The following ZNF335 variants were observed in gnomAD, a reference collection of about 807,000 sequenced individuals.
The protein encoded by ZNF335 is NRC-interacting factor 1.
A neutral mutation model predicts 145.6 loss-of-function variants in ZNF335; 84 were observed. That is an observed-to-expected ratio of 0.58 (90% CI 0.48 to 0.69). ZNF335 has a LOEUF of 0.69. ZNF335 is among the 30% of genes least tolerant of loss of function. The pLI, the probability that ZNF335 is intolerant of heterozygous loss-of-function variation, is 0.00. For missense variants in ZNF335, 1,865 were observed against 1,809.7 expected, an observed-to-expected ratio of 1.03 and a Z score of -0.55; for synonymous variants, 761 against 717.0, an observed-to-expected ratio of 1.06 and a Z score of -0.98.
chr20:45,951,386 CCTT>C (rs2083628649), intron 20 of ZNF335, among the ~76,000 whole-genome samples: 1 of 152,250 alleles, frequency 6.6e-6, no homozygotes, highest in Non-Finnish European at 1.5e-5. Context: ...GGCCCACTCA[CCTT>C]CTCCATGGTG....
rs1395421311 is a variant in ZNF335 at position 45,963,626 on chromosome 20, T to C, written c.1380A>G (p.Pro460=). ...TGCGGCACAGGAAGGGCCTCAAAAGTGGTTTGGGCGACTTGTAATAGTACC... is the reference window on the plus strand; with the variant it reads ...TGCGGCACAGGAAGGGCCTCAAAAGCGGTTTGGGCGACTTGTAATAGTACC... ...YRKYYYKSPK[P]LLRPFLCRIC... Residue 460 remains proline, a synonymous_variant, in exon 9 of 28, where the codon CCA becomes CCG. Transcript: ENST00000322927. 6.2e-7 allele frequency: 1 copy of C among 1,613,878 alleles called. No individual in the cohort carries two copies. Among genetic ancestry groups the C allele is most frequent in the Admixed American group, 1.7e-5 (1 of 60,006 alleles).
At chr20:45,967,211 CCA>C (rs1163276692) in intron 6 of ZNF335, 15 of 456,660 alleles carry the variant, frequency 3.3e-5, no homozygotes, top group Non-Finnish European at 4.0e-6. Flanking sequence ...ATGCTACACT[CCA>C]GTCTGAGCAA....
At chr20:45,972,003 C>T (rs1014276869) in intron 1 of ZNF335, 119 bp downstream of exon 1, 40 of 1,199,282 alleles carry the variant, frequency 3.3e-5, no homozygotes, top group Admixed American at 2.9e-4. Context: ...GGCCTGGGAC[C>T]CCGGGGCCCT....
At chr20:45,965,572 G>A (rs1443573614) in intron 7 of ZNF335, 56 bp downstream of exon 7, 2 of 1,547,498 alleles carry the variant, frequency 1.3e-6, no homozygotes, top group African/African-American at 1.4e-5. Context: ...AGACAAGCAG[G>A]GAGAGAGGCC....
At position 45,963,798 on chromosome 20, in the gene ZNF335, T is replaced by C. The variant is rs2083897355; in HGVS notation, c.1295A>G (p.Asp432Gly). 6.2e-7 allele frequency: 1 copy of C among 1,614,132 alleles called. No individual in the cohort carries two copies. The highest frequency in any genetic ancestry group is 2.2e-5 in the East Asian group (1 of 44,878). ...TCGACCTCGGCGCCGGGGCAGAGTG[T>C]CATGCTCATCCGGGCAGGAGGGGGC... ...NAAPSCPDEHDTLPRRRGRPS... is the reference protein window; with the variant it reads ...NAAPSCPDEHGTLPRRRGRPS... Residue 432 changes from aspartate (D) to glycine (G), a missense_variant, in exon 8 of 28, where the codon GAC becomes GGC. Physicochemically the swap from Asp to Gly is moderately conservative, Grantham distance 94. Transcript: ENST00000322927.
chr20:45,953,293 C>T (rs967924271), intron 18 of ZNF335, among the ~76,000 whole-genome samples: 4 of 152,092 alleles, frequency 2.6e-5, no homozygotes, highest in Non-Finnish European at 4.4e-5. Flanking sequence ...TGAGCTTGCT[C>T]GGAGTGTCAG....
Position 45,949,576 on chromosome 20 carries a change from T to TG in ZNF335, c.3670-9dup, listed in dbSNP as rs201440041. 8,535 of 1,555,740 alleles carry TG rather than the reference T, an allele frequency of 5.5e-3. 63 individuals carry two copies. The highest frequency in any genetic ancestry group is 0.03 in the African/African-American group (2,211 of 72,922). ...GGAGATGATATACTGCACCTGTTGGTGGGGGGGGCGGGCATGGCGAGGCAG... is the reference window on the plus strand; with the variant it reads ...GGAGATGATATACTGCACCTGTTGGTGGGGGGGGGCGGGCATGGCGAGGCAG... On this transcript the variant is annotated splice_polypyrimidine_tract_variant and intron_variant, in intron 24 of 27. Transcript: ENST00000322927.
chr20:45,963,577 G>A lies in ZNF335; in HGVS notation c.1429C>T (p.His477Tyr). The change falls in exon 9 of 28, where the codon CAC becomes TAC. Residue 477 changes from histidine to tyrosine, a missense_variant. Coordinates refer to ENST00000322927, the MANE Select transcript of ZNF335 (RefSeq NM_022095.4). The stretch of plus-strand genomic sequence containing the variant: ...TTGACGTGGAAGCGCAGGTCCTCGT[G>A]GGACAGAAAGCGAGAACCACAGATG... ...CRICGSRFLS[H>Y]EDLRFHVNSH... 1 of 1,614,206 alleles carries A rather than the reference G, an allele frequency of 6.2e-7. No homozygotes were observed. Among genetic ancestry groups the A allele is most frequent in the Non-Finnish European group, 8.5e-7 (1 of 1,180,042 alleles).
chr20:45,956,478 T>G (rs886348274), intron 17 of ZNF335, among the ~76,000 whole-genome samples: 1 of 152,208 alleles, frequency 6.6e-6, no homozygotes. Context: ...TCCAGCCACC[T>G]TGGCGTCCCA....
At chr20:45,962,029 C>A in intron 10 of ZNF335, 41 bp downstream of exon 10, 19 of 1,224,570 alleles carry the variant, frequency 1.6e-5, no homozygotes, top group Non-Finnish European at 2.3e-5. Flanking sequence ...CCCACCCAAC[C>A]TGGCCTCTCT....
rs1223906191 is a variant in ZNF335 at position 45,960,497 on chromosome 20, G to A, written c.1811C>T (p.Thr604Ile). 24 of 1,614,182 alleles carry A rather than the reference G, an allele frequency of 1.5e-5. No homozygotes were observed. The highest frequency in any genetic ancestry group is 1.9e-5 in the Non-Finnish European group (22 of 1,180,034). ...GTGCGTGAGCAGGTGCATTTTGAAG[G>A]TGTAGCGCTTCTTAAAGGACTTTCC... is the stretch of plus-strand genomic sequence containing the variant. Reference protein sequence around the residue: ...KCGKSFKKRYTFKMHLLTHIQ... With the variant: ...KCGKSFKKRYIFKMHLLTHIQ... Residue 604 changes from threonine (T) to isoleucine (I), a missense_variant, in exon 13 of 28, where the codon ACC becomes ATC. By Grantham distance (89) the Thr-to-Ile change is moderately conservative. Coordinates refer to ENST00000322927, the MANE Select transcript of ZNF335 (RefSeq NM_022095.4).
chr20:45,959,231 TCCAGGG>T lies in ZNF335; in HGVS notation c.2217_2222del (p.Gly741_Pro742del). ...GAGGTCCTGGGGAACTGGGAGGTGG[TCCAGGG>T]GCCGCACTGTGCTGCTGCTTCAGCT... On this transcript the variant is annotated inframe_deletion, in exon 15 of 28. Transcript: ENST00000322927. The T allele has an allele frequency of 1.4e-6, 2 of 1,398,892 alleles. No individual in the cohort carries two copies. The highest frequency in any genetic ancestry group is 1.9e-6 in the Non-Finnish European group (2 of 1,061,238). 86.7% of individuals were successfully genotyped at this position (1,398,892 alleles called of 1,614,324 possible). A position where few individuals can be genotyped will look rare whatever the true frequency, so the allele number is the denominator to read the frequency against.
intron 6 of ZNF335, 46 bp from the exon 7 acceptor site, chr20:45,965,820 C>T (rs369299750): frequency 6.4e-7 from 1 of 1,564,974 alleles, no homozygotes. Context: ...GCGGGACCTG[C>T]CCTTTCAGCC....
chr20:45,971,254 C>T lies in ZNF335; in HGVS notation c.157G>A (p.Asp53Asn), dbSNP rs778817348. 1 of 1,559,482 alleles carries T rather than the reference C, an allele frequency of 6.4e-7. No individual in the cohort carries two copies. The highest frequency in any genetic ancestry group is 8.6e-7 in the Non-Finnish European group (1 of 1,157,098). ...TCCGAGCTTTGCCCCACGCCAGAGTCATCGGCCTCTGCCTGCCCCGGGGCG... is the reference window on the plus strand; with the variant it reads ...TCCGAGCTTTGCCCCACGCCAGAGTTATCGGCCTCTGCCTGCCCCGGGGCG... ...AAAPGQAEAD[D>N]SGVGQSSDRG... Residue 53 changes from aspartate (D) to asparagine (N), a missense_variant, in exon 2 of 28, where the codon GAC becomes AAC. Coordinates refer to ENST00000322927, the MANE Select transcript of ZNF335 (RefSeq NM_022095.4).
chr20:45,952,516 G>C lies in ZNF335; in HGVS notation c.2820C>G (p.Thr940=). 6.3e-7 allele frequency: 1 copy of C among 1,584,260 alleles called. No homozygotes were observed. Among genetic ancestry groups the C allele is most frequent in the Non-Finnish European group, 8.6e-7 (1 of 1,161,968 alleles). Residue 940 remains threonine (T), a synonymous_variant, in exon 20 of 28, where the codon ACC becomes ACG. Transcript: ENST00000322927. The part of the protein sequence containing the change: ...DGTQLHHIEL[T]ADGSISFPSP... ...TTGGGAAGGAGATGGAGCCATCTGCGGTGAGCTGTAGAGAGACAGGGAGCA... is the reference window on the plus strand; with the variant it reads ...TTGGGAAGGAGATGGAGCCATCTGCCGTGAGCTGTAGAGAGACAGGGAGCA...
At chr20:45,959,717 C>A (rs1280766821) in intron 14 of ZNF335, among the ~76,000 whole-genome samples, 1 of 152,184 alleles carries the variant, frequency 6.6e-6, no homozygotes, top group African/African-American at 2.4e-5. Flanking sequence ...GAACCCCTGG[C>A]TCCTTTTCTG....
chr20:45,962,052 T>G lies in ZNF335; in HGVS notation c.1646+18A>C. The G allele has an allele frequency of 2.2e-6, 2 of 894,188 alleles. No homozygotes were observed. Among genetic ancestry groups the G allele is most frequent in the Non-Finnish European group, 3.4e-6 (2 of 586,066 alleles). The allele number at this position is 894,188 out of a possible 1,614,324, so 55.4% of individuals were successfully genotyped here. A position where few individuals can be genotyped will look rare whatever the true frequency, so the allele number is the denominator to read the frequency against. On this transcript the variant is annotated intron_variant, in intron 10 of 27. Transcript: ENST00000322927. ...ACCTGGCCTCTCTTGCCCAGGTCCC[T>G]CCCACCCCCACACTGACCGGTCCCG...
chr20:45,949,095 G>A lies in ZNF335; in HGVS notation c.3902-15C>T. 1 of 1,613,696 alleles carries A rather than the reference G, an allele frequency of 6.2e-7. No homozygotes were observed. The highest frequency in any genetic ancestry group is 8.5e-7 in the Non-Finnish European group (1 of 1,179,996). On this transcript the variant is annotated splice_polypyrimidine_tract_variant and intron_variant, in intron 27 of 27. Transcript: ENST00000322927. ...ATCAGCCACTGCTGCCAGGGGAGGG[G>A]AAAGTATGGTGAGCTGGAGGCTCAA...
chr20:45,970,064 C>T (rs1226584418), intron 2 of ZNF335: 1 of 180,290 alleles, frequency 5.5e-6, no homozygotes, highest in East Asian at 1.4e-4. Context: ...TAGCTGGTAC[C>T]TCTTCTAGGA....
Sources: allele counts gnomAD v4.1 joint callset (sites outside exome capture counted in the v4.1 genomes callset), GRCh38; gene constraint gnomAD v4.1.1; transcripts MANE v1.5; gene names NCBI Gene and HGNC (gene_info 2026-07-23, HGNC 2026-07-21).